The following DNAJB6 variants were observed in gnomAD, a reference collection of about 807,000 sequenced individuals.
The protein encoded by DNAJB6 is DnaJ heat shock protein family (Hsp40) member B6.
DNAJB6 carries 16 observed loss-of-function variants against 42.7 expected under a neutral mutation model. That is an observed-to-expected ratio of 0.37 (90% CI 0.25 to 0.57). The LOEUF is 0.57. Ranked by LOEUF, DNAJB6 falls within the 20% of genes least tolerant of loss-of-function variation. DNAJB6 has a pLI of 0.74. For synonymous variants in DNAJB6, 170 were observed against 163.5 expected, an observed-to-expected ratio of 1.04 and a Z score of -0.30; for missense variants, 347 against 416.8, an observed-to-expected ratio of 0.83 and a Z score of 1.46.
intron 1 of DNAJB6, among the ~76,000 whole-genome samples, chr7:157,351,789 C>T (rs1798992203): frequency 6.6e-6 from 1 of 151,778 alleles, no homozygotes. Context: ...CATGGTGAAA[C>T]CCTGTGTCTA....
intron 1 of DNAJB6, among the ~76,000 whole-genome samples, chr7:157,356,537 T>G (rs1584893016): frequency 6.6e-6 from 1 of 152,232 alleles, no homozygotes; most frequent in Non-Finnish European, 1.5e-5. Context: ...CTTTCATAAC[T>G]AGGGGTTCCT....
Position 157,385,546 on chromosome 7 carries a change from T to C in DNAJB6, c.626T>C (p.Val209Ala). ...AATGAATTTTTTTCCTACAGAATTG[T>C]CGAGAACGGTCAAGAAAGAGTAGAA... ...NGRKITTKRIVENGQERVEVE... is the reference protein window; with the variant it reads ...NGRKITTKRIAENGQERVEVE... The change falls in exon 8 of 10, where the codon GTC becomes GCC. Residue 209 changes from valine to alanine, a missense_variant. By Grantham distance (64) the Val-to-Ala change is moderately conservative. Around this residue, in one of 3 missense-constraint regions of DNAJB6, gnomAD observed 264 missense variants for 288.0 expected, o/e 0.92. Transcript: ENST00000262177. The C allele has an allele frequency of 6.2e-7, 1 of 1,613,110 alleles. No homozygotes were observed. Among genetic ancestry groups the C allele is most frequent in the Non-Finnish European group, 8.5e-7 (1 of 1,179,702 alleles).
chr7:157,345,104 C>T (rs891317508), intron 1 of DNAJB6, among the ~76,000 whole-genome samples: 4 of 152,080 alleles, frequency 2.6e-5, no homozygotes, highest in African/African-American at 9.7e-5. Context: ...AGTGATTCTC[C>T]TGCCTCAGCC....
chr7:157,377,924 G>A (rs932725826), intron 5 of DNAJB6, among the ~76,000 whole-genome samples: 1 of 152,198 alleles, frequency 6.6e-6, no homozygotes, highest in African/African-American at 2.4e-5. Context: ...ACAACCAACA[G>A]TGCACTAGCC....
chr7:157,347,443 G>C (rs1457975920), intron 1 of DNAJB6, among the ~76,000 whole-genome samples: 1 of 152,128 alleles, frequency 6.6e-6, no homozygotes, highest in Admixed American at 6.5e-5. Flanking sequence ...CTGGGCTGAA[G>C]CCATCCTCCT....
At chr7:157,357,562 C>T (rs1168478551) in intron 1 of DNAJB6, among the ~76,000 whole-genome samples, 7 of 151,850 alleles carry the variant, frequency 4.6e-5, no homozygotes, top group Admixed American at 6.6e-5. Flanking sequence ...CCACCTCCCT[C>T]GGCCTCCTAA....
intron 7 of DNAJB6, 133 bp from the exon 8 acceptor site, chr7:157,385,408 C>T: frequency 1.1e-6 from 1 of 948,402 alleles, no homozygotes; most frequent in Non-Finnish European, 1.6e-6. Flanking sequence ...AGGTTGGCTT[C>T]AGCCATGTTT....
At chr7:157,350,967 T>C (rs1181021929) in intron 1 of DNAJB6, among the ~76,000 whole-genome samples, 1 of 143,998 alleles carries the variant, frequency 6.9e-6, no homozygotes, top group Non-Finnish European at 1.5e-5. Flanking sequence ...AGAGTTTCGC[T>C]CTTGTTGGCC....
intron 8 of DNAJB6, among the ~76,000 whole-genome samples, chr7:157,398,105 A>G (rs1024738739): frequency 1.3e-5 from 2 of 152,224 alleles, no homozygotes; most frequent in African/African-American, 4.8e-5. Flanking sequence ...GGCGTCTGCC[A>G]TTCCAGGGCT....
chr7:157,380,726 C>G lies in DNAJB6; in HGVS notation c.347-1520C>G, dbSNP rs535221420. ...TCCAAAAAGTCACCAGTGACCAATT[C>G]TCCCAGTGTTTCTTTGGGACTCAAT... On this transcript the variant is annotated intron_variant, in intron 5 of 9. Transcript: ENST00000262177. 2.0e-5 allele frequency: 3 copies of G among 152,484 alleles called. No homozygotes were observed. In the South Asian group the frequency reaches 6.2e-4, roughly 32 times the overall value. The allele number at this position is 152,484 out of a possible 1,614,324, so 9.4% of individuals were successfully genotyped here.
In DNAJB6 at chr7:157,340,762, G is replaced by A. The variant is rs1376851124; in HGVS notation, c.-27+3618G>A. Among the ~76,000 whole-genome samples the A allele has an allele frequency of 5.9e-5, 9 of 151,782 alleles. No homozygotes were observed. In the East Asian group the frequency reaches 1.4e-3, roughly 23 times the overall value. On this transcript the variant is annotated intron_variant, in intron 1 of 9. Coordinates refer to ENST00000262177, the MANE Select transcript of DNAJB6 (RefSeq NM_058246.4). Reference sequence around the variant, plus strand: ...CGCGGTCTTGGCTCACTGCACTCCTGGGTTCAAGCCATTCTCCTGCTTCAG... The same window carrying A: ...CGCGGTCTTGGCTCACTGCACTCCTAGGTTCAAGCCATTCTCCTGCTTCAG...
At chr7:157,374,138 G>T (rs532859717) in intron 5 of DNAJB6, among the ~76,000 whole-genome samples, 4 of 151,494 alleles carry the variant, frequency 2.6e-5, no homozygotes, top group African/African-American at 9.7e-5. Context: ...GGGCAGTCCC[G>T]CCCGGCATCC....
chr7:157,367,283 C>G lies in DNAJB6; in HGVS notation c.236-90C>G, dbSNP rs139512917. 8.2e-4 allele frequency: 723 copies of G among 885,128 alleles called. 2 individuals are homozygous for G. The highest frequency in any genetic ancestry group is 1.1e-3 in the Non-Finnish European group (601 of 538,604). 54.8% of individuals were successfully genotyped at this position (885,128 alleles called of 1,614,324 possible). A position where few individuals can be genotyped will look rare whatever the true frequency, so the allele number is the denominator to read the frequency against. ...TGAAATATTTTTGTTTTTATTAGTTCATGATTTGTATAATGTTTTGTCAAC... is the reference window on the plus strand; with the variant it reads ...TGAAATATTTTTGTTTTTATTAGTTGATGATTTGTATAATGTTTTGTCAAC... On this transcript the variant is annotated intron_variant, in intron 4 of 9. Transcript: ENST00000262177.
intron 5 of DNAJB6, among the ~76,000 whole-genome samples, chr7:157,370,186 C>A (rs1291405383): frequency 6.6e-6 from 1 of 150,582 alleles, no homozygotes. Context: ...TTAAACAGGC[C>A]CCTTCTTAAC....
chr7:157,395,358 C>G (rs994356564), intron 8 of DNAJB6, among the ~76,000 whole-genome samples: 3 of 152,192 alleles, frequency 2.0e-5, no homozygotes, highest in Non-Finnish European at 2.9e-5. Flanking sequence ...ATATCTAGTT[C>G]TGCTTTTGTC....
At chr7:157,384,840 G>A in intron 6 of DNAJB6, 27 bp from the exon 7 acceptor site, 1 of 1,601,652 alleles carries the variant, frequency 6.2e-7, no homozygotes, top group South Asian at 1.1e-5. Context: ...ATTTCTTTAA[G>A]CATTTTTCTT....
intron 2 of DNAJB6, among the ~76,000 whole-genome samples, chr7:157,358,995 G>C (rs911977833): frequency 6.6e-6 from 1 of 152,176 alleles, no homozygotes; most frequent in Admixed American, 6.6e-5. Context: ...TTTTCTTGTT[G>C]TGATTGTTGG....
intron 9 of DNAJB6, 52 bp from the exon 10 acceptor site, chr7:157,415,964 C>T (rs1214546368): frequency 1.2e-6 from 2 of 1,608,186 alleles, no homozygotes; most frequent in African/African-American, 2.7e-5. Context: ...TTGGCTCTTG[C>T]TGGGGAAGCA....
Position 157,384,967 on chromosome 7 carries a change from T to C in DNAJB6, c.579T>C (p.Thr193=), listed in dbSNP as rs775327087. 1.9e-6 allele frequency: 3 copies of C among 1,614,176 alleles called. No individual in the cohort carries two copies. The stretch of plus-strand genomic sequence containing the variant: ...TGGGCAACTTCAAATCGATATCAAC[T>C]TCAACTAAAATGGTTAATGGCAGAA... ...SGMGNFKSIS[T]STKMVNGRKI... is the part of the protein sequence containing the mutation. The change falls in exon 7 of 10, where the codon ACT becomes ACC. Residue 193 remains threonine (T), a synonymous_variant. Transcript: ENST00000262177.
Sources: allele counts gnomAD v4.1 joint callset (sites outside exome capture counted in the v4.1 genomes callset), GRCh38; gene constraint gnomAD v4.1.1; regional missense constraint gnomAD v4.1.1; transcripts MANE v1.5; gene names NCBI Gene and HGNC (gene_info 2026-07-23, HGNC 2026-07-21).